PRRG1: variants seen among roughly 807,000 people sequenced by gnomAD.
PRRG1 encodes transmembrane gamma-carboxyglutamic acid protein 1.
PRRG1 carries 5 observed loss-of-function variants against 11.8 expected under a neutral mutation model. The ratio of observed to expected loss-of-function variants is 0.42; its 90% confidence interval spans 0.22 to 0.89. The LOEUF is 0.89. Among genes scored for constraint, PRRG1 ranks in the 40% least tolerant of loss-of-function variants. PRRG1 has a pLI of 0.28. For synonymous variants in PRRG1, 66 were observed against 60.4 expected, an observed-to-expected ratio of 1.09 and a Z score of -0.43; for missense variants, 155 against 166.1, an observed-to-expected ratio of 0.93 and a Z score of 0.37.
At chrX:37,385,463 TTTCTG>T (rs1416026770) in intron 1 of PRRG1, among the ~76,000 whole-genome samples, 4 of 109,893 alleles carry the variant, frequency 3.6e-5, no homozygotes, top group Non-Finnish European at 7.6e-5. Flanking sequence ...TTCGTATACT[TTTCTG>T]TATGTATGAG....
intron 1 of PRRG1, among the ~76,000 whole-genome samples, chrX:37,376,215 T>A (rs1460205322): frequency 9.1e-6 from 1 of 110,124 alleles, no homozygotes; most frequent in Admixed American, 9.7e-5. Context: ...TCATGTTACT[T>A]CCAACATCTG....
chrX:37,413,626 A>G (rs1259192764), intron 2 of PRRG1, among the ~76,000 whole-genome samples: 1 of 111,395 alleles, frequency 9.0e-6, no homozygotes, highest in African/African-American at 3.3e-5. Flanking sequence ...GAGAGTTTCT[A>G]TTGCTCCATG....
intron 3 of PRRG1, among the ~76,000 whole-genome samples, chrX:37,442,851 A>G (rs1933010848): frequency 9.0e-6 from 1 of 111,275 alleles, no homozygotes; most frequent in Non-Finnish European, 1.9e-5. Flanking sequence ...TGCCCTTACA[A>G]ATCCTCTACT....
chrX:37,446,499 A>G (rs887074122), intron 3 of PRRG1, among the ~76,000 whole-genome samples: 4 of 111,874 alleles, frequency 3.6e-5, no homozygotes, highest in African/African-American at 1.3e-4. Context: ...TCAGAAGTAA[A>G]ATATATAAAA....
intron 3 of PRRG1, chrX:37,441,109 C>A: frequency 3.3e-6 from 3 of 911,328 alleles, no homozygotes; most frequent in Non-Finnish European, 4.0e-6. Context: ...AAACTCTAGA[C>A]AAAACAGAAC....
chrX:37,432,777 G>A (rs1932845414), intron 3 of PRRG1, among the ~76,000 whole-genome samples: 1 of 111,665 alleles, frequency 9.0e-6, no homozygotes, highest in Admixed American at 9.5e-5. Flanking sequence ...TTCCTGGAGC[G>A]CTAAACTGAA....
chrX:37,375,892 A>G (rs1930922861), intron 1 of PRRG1, among the ~76,000 whole-genome samples: 1 of 111,447 alleles, frequency 9.0e-6, no homozygotes, highest in African/African-American at 3.3e-5. Flanking sequence ...TAACTCTCAA[A>G]CTACAGTTTA....
At chrX:37,448,131 AAC>A (rs1402963055) in intron 3 of PRRG1, among the ~76,000 whole-genome samples, 1 of 112,120 alleles carries the variant, frequency 8.9e-6, no homozygotes, top group African/African-American at 3.2e-5. Flanking sequence ...AATTGGACAA[AAC>A]ACACAAACAA....
chrX:37,442,128 C>A (rs1932993357), intron 3 of PRRG1: 3 of 758,048 alleles, frequency 4.0e-6, no homozygotes, highest in East Asian at 1.5e-4. Context: ...GGCCACCAGG[C>A]GGGGGCGTGC....
At chrX:37,360,279 A>G (rs782529034) in intron 1 of PRRG1, among the ~76,000 whole-genome samples, 3 of 112,219 alleles carry the variant, frequency 2.7e-5, no homozygotes, top group African/African-American at 9.7e-5. Flanking sequence ...TAATGTATGC[A>G]TTCAAGCTAT....
At chrX:37,392,652 T>C (rs1275806659) in intron 1 of PRRG1, among the ~76,000 whole-genome samples, 5 of 83,625 alleles carry the variant, frequency 6.0e-5, no homozygotes, top group African/African-American at 3.1e-4. Flanking sequence ...AGCAAGACTC[T>C]GTCTCAAAAA....
Position 37,453,340 on chromosome X carries a change from CTTAATA to C in PRRG1, c.380_385del (p.Asn127_Ile128del). On this transcript the variant is annotated inframe_deletion, in exon 4 of 4. Transcript: ENST00000378628. Reference sequence around the variant, plus strand: ...AGGCCACATTCCTTTCCCTCAGCACCTTAATATTATCACCCCACCCCCCCCACCAGA... The same window carrying C: ...AGGCCACATTCCTTTCCCTCAGCACCTTATCACCCCACCCCCCCCACCAGA... 1 of 1,210,071 alleles carries C rather than the reference CTTAATA, an allele frequency of 8.3e-7. No homozygotes were observed. Among genetic ancestry groups the C allele is most frequent in the Middle Eastern group, 2.3e-4 (1 of 4,355 alleles).
chrX:37,441,489 G>A (rs1274869455), intron 3 of PRRG1: 2 of 755,439 alleles, frequency 2.6e-6, no homozygotes, highest in Non-Finnish European at 3.1e-6. Context: ...CACAGCTCCC[G>A]CCTGCCTGCT....
At chrX:37,393,703 AC>A (rs1335189814) in intron 1 of PRRG1, among the ~76,000 whole-genome samples, 39 of 112,174 alleles carry the variant, frequency 3.5e-4, no homozygotes, top group African/African-American at 1.2e-3. Flanking sequence ...TTATAGTTAA[AC>A]AAAATATTAT....
intron 1 of PRRG1, among the ~76,000 whole-genome samples, chrX:37,373,840 G>T (rs1279671476): frequency 1.8e-5 from 2 of 111,356 alleles, no homozygotes; most frequent in Admixed American, 1.9e-4. Flanking sequence ...TTGAGAATGG[G>T]CATCTTTGTT....
Position 37,450,458 on chromosome X carries a change from T to A in PRRG1, c.172-2678T>A, listed in dbSNP as rs781895248. 7.1e-5 allele frequency among the ~76,000 whole-genome samples: 8 copies of A among 112,262 alleles called. No individual in the cohort carries two copies. The Admixed American group carries it at 7.5e-4, about 11-fold the overall frequency. Reference sequence around the variant, plus strand: ...AAATGCCCAATTATTTCTCTGTAATTTTTTCCAAAGGGGAAAGAATTAGAC... The same window carrying A: ...AAATGCCCAATTATTTCTCTGTAATATTTTCCAAAGGGGAAAGAATTAGAC... On this transcript the variant is annotated intron_variant, in intron 3 of 3. Coordinates refer to ENST00000378628, the MANE Select transcript of PRRG1 (RefSeq NM_001142395.2).
At chrX:37,368,064 CT>C (rs1556369925) in intron 1 of PRRG1, among the ~76,000 whole-genome samples, 1 of 111,873 alleles carries the variant, frequency 8.9e-6, no homozygotes. Flanking sequence ...CATATGATTC[CT>C]TTTTTTAATG....
intron 1 of PRRG1, among the ~76,000 whole-genome samples, chrX:37,402,812 G>T (rs1932048174): frequency 9.0e-6 from 1 of 111,170 alleles, no homozygotes; most frequent in East Asian, 2.8e-4. Context: ...ATCAAAAAGT[G>T]GGCAAAGGAC....
At chrX:37,416,371 A>G (rs964273685) in intron 2 of PRRG1, among the ~76,000 whole-genome samples, 1 of 112,484 alleles carries the variant, frequency 8.9e-6, no homozygotes, top group Admixed American at 9.4e-5. Context: ...ATTATAAGCT[A>G]TATTTCATCT....
Sources: allele counts gnomAD v4.1 joint callset (sites outside exome capture counted in the v4.1 genomes callset), GRCh38; gene constraint gnomAD v4.1.1; transcripts MANE v1.5; gene names NCBI Gene and HGNC (gene_info 2026-07-23, HGNC 2026-07-21).